Variants in GOLGA2 observed in about 807,000 individuals in gnomAD.
GOLGA2 encodes golgin subfamily A member 2.
In GOLGA2, 49 loss-of-function variants were observed where a neutral mutation model predicts 148.8. The observed-to-expected ratio is 0.33, with a 90% CI of 0.26 to 0.42. GOLGA2 has a LOEUF of 0.42. Among genes scored for constraint, GOLGA2 ranks in the 10% least tolerant of loss-of-function variants. The pLI is 1.00. For synonymous variants in GOLGA2, 501 were observed against 511.8 expected, an observed-to-expected ratio of 0.98 and a Z score of 0.28; for missense variants, 1,178 against 1,304.6, an observed-to-expected ratio of 0.90 and a Z score of 1.49.
Position 128,256,317 on chromosome 9 carries a change from A to C in GOLGA2, c.*750T>G, listed in dbSNP as rs1349148751. On this transcript the variant is annotated 3_prime_UTR_variant, in exon 27 of 27. Transcript: ENST00000611957. ...GAGTCAGCCCTGGCCAAGGTGGCTA[A>C]GGGTCTACACATTTGTCTCCCCCCA... 1 of 152,264 alleles carries C rather than the reference A, an allele frequency of 6.6e-6. No homozygotes were observed. The highest frequency in any genetic ancestry group is 2.4e-5 in the African/African-American group (1 of 41,434). 9.4% of individuals were successfully genotyped at this position (152,264 alleles called of 1,614,324 possible).
chr9:128,257,156 G>A lies in GOLGA2; in HGVS notation c.3001C>T (p.Arg1001Trp), dbSNP rs141666208. ...MQLLREMQNP[R>W]ERPGLGSNPC... ...TTGCTGCCCAAGCCTGGGCGCTCCCGGGGGTTCTGCATCTCACGAAGCAGC... is the reference window on the plus strand; with the variant it reads ...TTGCTGCCCAAGCCTGGGCGCTCCCAGGGGTTCTGCATCTCACGAAGCAGC... The change falls in exon 27 of 27, where the codon CGG (arginine) becomes TGG (tryptophan). Residue 1001 changes from arginine to tryptophan, a missense_variant. Physicochemically the swap from Arg to Trp is moderately radical, Grantham distance 101. This residue lies in a region of GOLGA2 where 149 missense variants were observed against 154.9 expected (regional missense o/e 0.96). Coordinates refer to ENST00000611957, the MANE Select transcript of GOLGA2 (RefSeq NM_001366244.2). The surrounding 1 kb of genome is among the most constrained non-coding windows in gnomAD (Gnocchi z 8.0). The A allele has an allele frequency of 2.8e-5, 45 of 1,613,876 alleles. No homozygotes were observed. The highest frequency in any genetic ancestry group is 1.3e-4 in the East Asian group (6 of 44,888).
At position 128,257,392 on chromosome 9, in the gene GOLGA2, A is replaced by G. The variant is rs147448478; in HGVS notation, c.2852T>C (p.Leu951Pro). ...PTSGAPAPQE[L>P]GAANQQGDLC... Reference sequence around the variant, plus strand: ...ACCACCCTGCTGGTTGGCAGCCCCAAGTTCCTGGGGGGCTGGGGCCCCTGA... The same window carrying G: ...ACCACCCTGCTGGTTGGCAGCCCCAGGTTCCTGGGGGGCTGGGGCCCCTGA... Residue 951 changes from leucine to proline, a missense_variant, in exon 26 of 27, where the codon CTT (leucine) becomes CCT (proline). This residue lies in a region of GOLGA2 where 149 missense variants were observed against 154.9 expected (regional missense o/e 0.96). Transcript: ENST00000611957. This position sits in a 1 kb window ranked among gnomAD's most constrained non-coding sequence, Gnocchi z 8.0. The G allele has an allele frequency of 3.1e-4, 497 of 1,612,890 alleles. No homozygotes were observed. Among genetic ancestry groups the G allele is most frequent in the Non-Finnish European group, 4.0e-4 (470 of 1,179,968 alleles).
chr9:128,266,729 G>A lies in GOLGA2; in HGVS notation c.643-404C>T. 2 of 355,690 alleles carry A rather than the reference G, an allele frequency of 5.6e-6. No individual in the cohort carries two copies. Among genetic ancestry groups the A allele is most frequent in the Non-Finnish European group, 1.0e-5 (2 of 195,070 alleles). The allele number at this position is 355,690 out of a possible 1,614,324, so 22.0% of individuals were successfully genotyped here. A position where few individuals can be genotyped will look rare whatever the true frequency, so the allele number is the denominator to read the frequency against. ...CAGAAAAAGACAGACAGGAGCCCTT[G>A]GCCCTGAGGTTTACATTCTAATGGG... On this transcript the variant is annotated intron_variant, in intron 8 of 26. Transcript: ENST00000611957. This position sits in a 1 kb window ranked among gnomAD's most constrained non-coding sequence, Gnocchi z 4.2.
At chr9:128,267,021 G>A (rs1366986415) in intron 8 of GOLGA2, 173 bp downstream of exon 8, 3 of 647,062 alleles carry the variant, frequency 4.6e-6, no homozygotes, top group Non-Finnish European at 8.4e-6. Context: ...AGCAACAGAA[G>A]AGCCATGCTG....
intron 1 of GOLGA2, among the ~76,000 whole-genome samples, chr9:128,274,493 G>C (rs1394917107): frequency 3.3e-5 from 5 of 152,152 alleles, no homozygotes. Flanking sequence ...GCAACACAGT[G>C]ACACCCCCTC....
chr9:128,268,050 G>T (rs755314313), intron 5 of GOLGA2, 53 bp from the exon 6 acceptor site: 494 of 1,598,622 alleles, frequency 3.1e-4, no homozygotes, highest in Non-Finnish European at 3.9e-4. Context: ...TGGGAAAGAA[G>T]GTCATGGGCA....
chr9:128,268,152 A>G lies in GOLGA2; in HGVS notation c.402T>C (p.Asp134=). 6.2e-7 allele frequency: 1 copy of G among 1,613,364 alleles called. No homozygotes were observed. Among genetic ancestry groups the G allele is most frequent in the Non-Finnish European group, 8.5e-7 (1 of 1,179,322 alleles). Residue 134 remains aspartate, a synonymous_variant, in exon 5 of 27, where the codon GAT becomes GAC. Transcript: ENST00000611957. Reference sequence around the variant, plus strand: ...CCATGAGATTAGGGACATTGTCAGCATCATGATTCTGTTTGGGAAGAAACG... The same window carrying G: ...CCATGAGATTAGGGACATTGTCAGCGTCATGATTCTGTTTGGGAAGAAACG... ...LTSMAASQNH[D]ADNVPNLMDE...
At position 128,260,196 on chromosome 9, in the gene GOLGA2, A is replaced by T; in HGVS notation, c.1759-7T>A. The T allele has an allele frequency of 6.3e-7, 1 of 1,592,762 alleles. No homozygotes were observed. On this transcript the variant is annotated splice_region_variant and splice_polypyrimidine_tract_variant and intron_variant, in intron 18 of 26. Coordinates refer to ENST00000611957, the MANE Select transcript of GOLGA2 (RefSeq NM_001366244.2). This position sits in a 1 kb window ranked among gnomAD's most constrained non-coding sequence, Gnocchi z 4.8. ...TCTCCATGTTCTCATTAGTCTGGAC[A>T]GAGAGAAGCAATCAGCGGCCACCCA...
chr9:128,268,293 T>G, intron 4 of GOLGA2, 127 bp downstream of exon 4: 1 of 1,085,400 alleles, frequency 9.2e-7, no homozygotes, highest in East Asian at 2.4e-5. Context: ...AAGCCCAGTC[T>G]GAGCCTTCCC....
chr9:128,267,562 T>G (rs563665989), intron 6 of GOLGA2, 45 bp from the exon 7 acceptor site: 13 of 1,431,300 alleles, frequency 9.1e-6, no homozygotes, highest in Non-Finnish European at 1.2e-5. Flanking sequence ...GTCCCCTCAG[T>G]GTCTAAGCCC....
At position 128,262,696 on chromosome 9, in the gene GOLGA2, T is replaced by C. The variant is rs751027885; in HGVS notation, c.1001A>G (p.Asn334Ser). 5 of 1,613,072 alleles carry C rather than the reference T, an allele frequency of 3.1e-6. No homozygotes were observed. The Admixed American group carries it at 5.0e-5, about 16-fold the overall frequency. Residue 334 changes from asparagine to serine, a missense_variant, in exon 14 of 27, where the codon AAT (asparagine) becomes AGT (serine). Around this residue, in one of 5 missense-constraint regions of GOLGA2, gnomAD observed 304 missense variants for 404.1 expected, o/e 0.75. Transcript: ENST00000611957. ...TGATTTCTCTTGCTTCAGGTCCTCA[T>C]TGCTTTGGCTATGGCCAGAGGCAGT... Reference protein sequence around the residue: ...RLELYKNTQSNEDLKQEKSEL... With the variant: ...RLELYKNTQSSEDLKQEKSEL...
In GOLGA2 at chr9:128,261,221, A is replaced by C; in HGVS notation, c.1371T>G (p.Ser457Arg). The C allele has an allele frequency of 6.2e-7, 1 of 1,613,684 alleles. No individual in the cohort carries two copies. The highest frequency in any genetic ancestry group is 8.5e-7 in the Non-Finnish European group (1 of 1,179,836). ...AGCTCGTCTCCAGCTCCTGTACCCG[A>C]CTCATGCTACATTCCTTCTCCTCTC... ...TLREEKECSM[S>R]RVQELETSLA... is the part of the protein sequence containing the mutation. Residue 457 changes from serine (S) to arginine (R), a missense_variant, in exon 17 of 27, where the codon AGT becomes AGG. Around this residue, in one of 5 missense-constraint regions of GOLGA2, gnomAD observed 529 missense variants for 521.8 expected, o/e 1.01. Coordinates refer to ENST00000611957, the MANE Select transcript of GOLGA2 (RefSeq NM_001366244.2). The surrounding 1 kb of genome is among the most constrained non-coding windows in gnomAD (Gnocchi z 5.7).
At chr9:128,268,034 G>A in intron 5 of GOLGA2, 37 bp from the exon 6 acceptor site, 1 of 1,604,846 alleles carries the variant, frequency 6.2e-7, no homozygotes, top group Non-Finnish European at 8.5e-7. Context: ...GGTGCAGGTG[G>A]CTCAATGGGA....
chr9:128,270,527 T>C (rs1054549499), intron 3 of GOLGA2, among the ~76,000 whole-genome samples: 18 of 152,248 alleles, frequency 1.2e-4, no homozygotes, highest in African/African-American at 2.9e-4. Context: ...GTAGCCAAGA[T>C]GGAGTTTTTA....
Position 128,262,970 on chromosome 9 carries a change from C to T in GOLGA2, c.992+64G>A, listed in dbSNP as rs1297258983. 4.5e-6 allele frequency: 5 copies of T among 1,112,210 alleles called. No homozygotes were observed. The African/African-American group carries it at 7.7e-5, about 17-fold the overall frequency. 68.9% of individuals were successfully genotyped at this position (1,112,210 alleles called of 1,614,324 possible). ...TCATCATGCTTACCTGTACCCCCCA[C>T]CTCCCAGCACACCACCCATGCTGAG... On this transcript the variant is annotated intron_variant, in intron 13 of 26. Transcript: ENST00000611957.
At chr9:128,270,566 A>G (rs1399599043) in intron 3 of GOLGA2, among the ~76,000 whole-genome samples, 1 of 152,188 alleles carries the variant, frequency 6.6e-6, no homozygotes, top group Non-Finnish European at 1.5e-5. Context: ...AAAATGTCCC[A>G]TCCCATTAAG....
In GOLGA2 at chr9:128,260,618, C is replaced by T. The variant is rs1830207876; in HGVS notation, c.1605G>A (p.Glu535=). 3 of 1,611,448 alleles carry T rather than the reference C, an allele frequency of 1.9e-6. No individual in the cohort carries two copies. The highest frequency in any genetic ancestry group is 4.5e-5 in the East Asian group (2 of 44,868). ...REQEERLLEL[E]RAAELWGEQA... Reference sequence around the variant, plus strand: ...GCTCCCCCCAGAGCTCGGCCGCCCGCTCCAGCTCCAGCAGCCTCTCCTCCT... The same window carrying T: ...GCTCCCCCCAGAGCTCGGCCGCCCGTTCCAGCTCCAGCAGCCTCTCCTCCT... Residue 535 remains glutamate, a synonymous_variant, in exon 18 of 27, where the codon GAG becomes GAA. Coordinates refer to ENST00000611957, the MANE Select transcript of GOLGA2 (RefSeq NM_001366244.2). This position sits in a 1 kb window ranked among gnomAD's most constrained non-coding sequence, Gnocchi z 4.8.
intron 3 of GOLGA2, among the ~76,000 whole-genome samples, chr9:128,270,266 G>T (rs1471892653): frequency 1.3e-5 from 2 of 151,496 alleles, no homozygotes; most frequent in Non-Finnish European, 2.9e-5. Context: ...CAAGCAGCTG[G>T]GATTATAGGT....
chr9:128,260,406 G>A lies in GOLGA2; in HGVS notation c.1758+59C>T. 6 of 1,423,274 alleles carry A rather than the reference G, an allele frequency of 4.2e-6. No individual in the cohort carries two copies. The highest frequency in any genetic ancestry group is 4.9e-6 in the Non-Finnish European group (5 of 1,021,526). The allele number at this position is 1,423,274 out of a possible 1,614,324, so 88.2% of individuals were successfully genotyped here. ...CTACACTGCCCCACTTTACAGGTGGGAAAACAAAGGTCTGGAGGGCTAGGG... is the reference window on the plus strand; with the variant it reads ...CTACACTGCCCCACTTTACAGGTGGAAAAACAAAGGTCTGGAGGGCTAGGG... On this transcript the variant is annotated intron_variant, in intron 18 of 26. Coordinates refer to ENST00000611957, the MANE Select transcript of GOLGA2 (RefSeq NM_001366244.2). The surrounding 1 kb of genome is among the most constrained non-coding windows in gnomAD (Gnocchi z 4.8).
Sources: gnomAD v4.1 joint callset for allele counts (sites outside exome capture counted in the v4.1 genomes callset) on GRCh38, gnomAD v4.1.1 for gene constraint, gnomAD v4.1.1 regional missense constraint, Gnocchi (gnomAD v3.1) non-coding constraint, MANE v1.5 for transcripts, NCBI Gene and HGNC (gene_info 2026-07-23, HGNC 2026-07-21) for gene names.